The following EPB42 variants were observed in gnomAD, a reference collection of about 807,000 sequenced individuals.
EPB42 encodes protein 4.2.
In EPB42, 49 loss-of-function variants were observed where a neutral mutation model predicts 76.9. The observed-to-expected ratio is 0.64, with a 90% CI of 0.51 to 0.81. EPB42 has a LOEUF of 0.81. EPB42 is among the 30% of genes least tolerant of loss of function. The pLI, the probability that EPB42 is intolerant of heterozygous loss-of-function variation, is 0.00. For missense variants in EPB42, 731 were observed against 867.6 expected, an observed-to-expected ratio of 0.84 and a Z score of 1.98; for synonymous variants, 310 against 338.4, an observed-to-expected ratio of 0.92 and a Z score of 0.92.
chr15:43,211,545 G>A lies in EPB42; in HGVS notation c.431-11C>T. 6.3e-7 allele frequency: 1 copy of A among 1,586,708 alleles called. No individual in the cohort carries two copies. Among genetic ancestry groups the A allele is most frequent in the South Asian group, 1.1e-5 (1 of 90,560 alleles). ...GGAACACAGCATCCTCTGGTGAGAG[G>A]TGGGTAGGGATGAGGGCCTGTGGGG... On this transcript the variant is annotated splice_polypyrimidine_tract_variant and intron_variant, in intron 3 of 12. Coordinates refer to ENST00000441366, the MANE Select transcript of EPB42 (RefSeq NM_001114134.2).
At chr15:43,216,496 G>C in intron 1 of EPB42, 43 bp from the exon 2 acceptor site, 1 of 1,594,854 alleles carries the variant, frequency 6.3e-7, no homozygotes, top group Non-Finnish European at 8.6e-7. Context: ...AAGTACATGT[G>C]ACAATGTAAG....
upstream of EPB42, among the ~76,000 whole-genome samples, chr15:43,223,270 ACTGGGCCACTGTGCTCCAGC>A (rs1346092994): frequency 6.6e-6 from 1 of 152,184 alleles, no homozygotes; most frequent in Admixed American, 6.6e-5. Context: ...GTGAGCTGAA[ACTGGGCCACTGTGCTCCAGC>A]CTGGGCCACA....
Position 43,206,035 on chromosome 15 carries a change from G to T in EPB42, c.1618+295C>A, listed in dbSNP as rs573049038. The stretch of plus-strand genomic sequence containing the variant: ...ATTTGGGGGCAGCTTATTCCAGCCT[G>T]GGGGGAGGTGCTCTCCTGCCACTGT... On this transcript the variant is annotated intron_variant, in intron 10 of 12. Coordinates refer to ENST00000441366, the MANE Select transcript of EPB42 (RefSeq NM_001114134.2). This position sits in a 1 kb window ranked among gnomAD's most constrained non-coding sequence, Gnocchi z 4.7. 2.4e-5 allele frequency: 8 copies of T among 334,890 alleles called. No individual in the cohort carries two copies. Among genetic ancestry groups the T allele is most frequent in the African/African-American group, 8.2e-5 (4 of 48,718 alleles). The allele number at this position is 334,890 out of a possible 1,614,324, so 20.7% of individuals were successfully genotyped here. A position where few individuals can be genotyped will look rare whatever the true frequency, so the allele number is the denominator to read the frequency against.
chr15:43,197,820 C>T (rs2042066131), intron 12 of EPB42, among the ~76,000 whole-genome samples: 1 of 152,192 alleles, frequency 6.6e-6, no homozygotes, highest in Non-Finnish European at 1.5e-5. Context: ...TGAATTCTAT[C>T]TCCCAGAATT....
chr15:43,202,982 G>A (rs1167200121), intron 11 of EPB42, 133 bp downstream of exon 11: 12 of 1,107,434 alleles, frequency 1.1e-5, no homozygotes, highest in Non-Finnish European at 1.7e-5. Flanking sequence ...TTCAAGGGAA[G>A]GAGCTCTTAA....
upstream of EPB42, among the ~76,000 whole-genome samples, chr15:43,221,745 G>A (rs1037094635): frequency 2.7e-5 from 4 of 146,882 alleles, no homozygotes; most frequent in Admixed American, 2.7e-4. Flanking sequence ...GGGTAGAAAG[G>A]TTATCTTTCT....
intron 1 of EPB42, among the ~76,000 whole-genome samples, chr15:43,220,440 A>C (rs1023456891): frequency 1.6e-4 from 25 of 152,170 alleles, no homozygotes; most frequent in Admixed American, 3.9e-4. Flanking sequence ...TGCTATGATG[A>C]CCTTGGGATA....
upstream of EPB42, among the ~76,000 whole-genome samples, chr15:43,223,692 A>G (rs1049884986): frequency 1.3e-5 from 2 of 152,212 alleles, no homozygotes; most frequent in African/African-American, 2.4e-5. Context: ...AAATTGGTGC[A>G]GCCTCGGCTG....
At chr15:43,217,484 G>C (rs1279346994) in intron 1 of EPB42, among the ~76,000 whole-genome samples, 2 of 152,158 alleles carry the variant, frequency 1.3e-5, no homozygotes, top group African/African-American at 4.8e-5. Context: ...AAAAAACAAG[G>C]AGTAGAGAAG....
upstream of EPB42, among the ~76,000 whole-genome samples, chr15:43,225,701 G>A (rs181183327): frequency 2.0e-4 from 30 of 152,282 alleles, no homozygotes; most frequent in African/African-American, 7.0e-4. Context: ...TGTCAAGTGT[G>A]CCAAATGCTG....
At chr15:43,207,536 T>C in intron 8 of EPB42, 95 bp from the exon 9 acceptor site, 1 of 1,588,222 alleles carries the variant, frequency 6.3e-7, no homozygotes, top group Non-Finnish European at 8.5e-7. Context: ...TCTAGCCTAT[T>C]TTCCCTCCAC....
upstream of EPB42, among the ~76,000 whole-genome samples, chr15:43,221,812 CTTA>C (rs964739907): frequency 8.6e-6 from 1 of 115,966 alleles, no homozygotes; most frequent in African/African-American, 3.5e-5. Context: ...TTTGAAGGAT[CTTA>C]TTATGTAAAA....
At chr15:43,211,886 C>G (rs2042303396) in intron 3 of EPB42, among the ~76,000 whole-genome samples, 1 of 151,292 alleles carries the variant, frequency 6.6e-6, no homozygotes, top group South Asian at 2.1e-4. Context: ...GGCAACACAG[C>G]AAGACTCTGT....
chr15:43,224,920 C>A (rs759537906), upstream of EPB42, among the ~76,000 whole-genome samples: 1 of 152,236 alleles, frequency 6.6e-6, no homozygotes, highest in African/African-American at 2.4e-5. Context: ...GGACTACAGG[C>A]ATGTGCCACT....
intron 8 of EPB42, 131 bp from the exon 9 acceptor site, chr15:43,207,572 T>TAGGC: frequency 7.1e-7 from 1 of 1,416,274 alleles, no homozygotes; most frequent in Middle Eastern, 2.0e-4. Context: ...AGGTGAGCAC[T>TAGGC]AGGCAGGGTT....
chr15:43,222,016 G>A (rs576921505), upstream of EPB42, among the ~76,000 whole-genome samples: 60 of 151,636 alleles, frequency 4.0e-4, 1 homozygote, highest in South Asian at 0.012. Context: ...GGTGGCAGGC[G>A]CCTGTACTCC....
chr15:43,213,366 C>T (rs1000215593), intron 3 of EPB42, among the ~76,000 whole-genome samples: 4 of 152,138 alleles, frequency 2.6e-5, no homozygotes, highest in African/African-American at 9.7e-5. Flanking sequence ...CAAGATGACA[C>T]TGAGATGCCA....
intron 11 of EPB42, 101 bp from the exon 12 acceptor site, chr15:43,202,078 C>A (rs1596403303): frequency 6.5e-7 from 1 of 1,537,590 alleles, no homozygotes; most frequent in Non-Finnish European, 8.9e-7. Flanking sequence ...GTTTCCTCAT[C>A]TCTGCCAAGC....
At position 43,206,666 on chromosome 15, in the gene EPB42, G is replaced by T; in HGVS notation, c.1319-37C>A. ...AAGAAACAAAGCTGACCTTTTACCC[G>T]GGTGGTATAAATGCTTCTAATAAAA... On this transcript the variant is annotated intron_variant, in intron 9 of 12. Transcript: ENST00000441366. The surrounding 1 kb of genome is among the most constrained non-coding windows in gnomAD (Gnocchi z 4.7). 6.2e-7 allele frequency: 1 copy of T among 1,611,698 alleles called. No individual in the cohort carries two copies. Among genetic ancestry groups the T allele is most frequent in the East Asian group, 2.2e-5 (1 of 44,872 alleles).
Sources: allele counts gnomAD v4.1 joint callset (sites outside exome capture counted in the v4.1 genomes callset), GRCh38; gene constraint gnomAD v4.1.1; non-coding constraint Gnocchi (gnomAD v3.1); transcripts MANE v1.5; gene names NCBI Gene and HGNC (gene_info 2026-07-23, HGNC 2026-07-21).